Variants in CDKL3 observed in about 807,000 individuals in gnomAD.
The protein encoded by CDKL3 is cyclin dependent kinase like 3, also known as cyclin-dependent kinase-like 3.
CDKL3 carries 65 observed loss-of-function variants against 69.3 expected under a neutral mutation model. The ratio of observed to expected loss-of-function variants is 0.94; its 90% confidence interval spans 0.77 to 1.15. The LOEUF (loss-of-function observed/expected upper bound fraction) is 1.15. Ranked by LOEUF, CDKL3 falls within the 50% of genes most tolerant of loss-of-function variation. The pLI, the probability that CDKL3 is intolerant of heterozygous loss-of-function variation, is 0.00. For synonymous variants in CDKL3, 202 were observed against 221.6 expected (o/e 0.91, Z 0.79); for missense variants, 652 against 689.2 (o/e 0.95, Z 0.61).
downstream of CDKL3, among the ~76,000 whole-genome samples, chr5:134,294,346 G>A (rs1765253529): frequency 6.6e-6 from 1 of 152,014 alleles, no homozygotes; most frequent in South Asian, 2.1e-4. Context: ...CTAGAAAAGA[G>A]GGAACTTTCC....
rs577954475 is a variant in CDKL3, at chr5:134,298,518, A to G, written c.*133T>C. The G allele has an allele frequency of 2.8e-6, 4 of 1,437,130 alleles. No homozygotes were observed. In the East Asian group the frequency reaches 9.7e-5, roughly 35 times the overall value. The allele number at this position is 1,437,130 out of a possible 1,614,324, so 89.0% of individuals were successfully genotyped here. A position where few individuals can be genotyped will look rare whatever the true frequency, so the allele number is the denominator to read the frequency against. On this transcript the variant is annotated 3_prime_UTR_variant, in exon 13 of 13. Coordinates refer to ENST00000265334, the MANE Select transcript of CDKL3 (RefSeq NM_001113575.2). ...AGAAAACAGTAAATGTTTTGCTAAC[A>G]AAAAAAGCTGGATGATGCTCATGCA...
At chr5:134,284,604 C>G (rs1288351505), downstream of CDKL3, among the ~76,000 whole-genome samples, 1 of 152,158 alleles carries the variant, frequency 6.6e-6, no homozygotes, top group Admixed American at 6.5e-5. Flanking sequence ...TCCTAGCAAG[C>G]CTGAGGGCAC....
At chr5:134,319,294 C>T in intron 6 of CDKL3, 64 bp downstream of exon 6, 1 of 1,279,394 alleles carries the variant, frequency 7.8e-7, no homozygotes, top group Non-Finnish European at 1.0e-6. Context: ...CACTCCACTG[C>T]ACTACAGCCT....
At chr5:134,339,406 A>G (rs1047767698) in intron 4 of CDKL3, among the ~76,000 whole-genome samples, 1 of 152,228 alleles carries the variant, frequency 6.6e-6, no homozygotes, top group Non-Finnish European at 1.5e-5. Flanking sequence ...AATACAAGAC[A>G]AAATAGACTT....
At chr5:134,345,217 C>T (rs991789544) in intron 4 of CDKL3, among the ~76,000 whole-genome samples, 4 of 152,026 alleles carry the variant, frequency 2.6e-5, no homozygotes, top group Admixed American at 6.6e-5. Flanking sequence ...GATGGTAGTA[C>T]ATATCTGTGA....
chr5:134,328,455 T>C (rs1470765093), intron 4 of CDKL3, among the ~76,000 whole-genome samples: 3 of 151,822 alleles, frequency 2.0e-5, no homozygotes, highest in Non-Finnish European at 2.9e-5. Context: ...AAATAATTCA[T>C]GAACTTGAAG....
chr5:134,371,186 C>T (rs528658630), upstream of CDKL3: 3 of 279,618 alleles, frequency 1.1e-5, no homozygotes, highest in African/African-American at 7.0e-5. Flanking sequence ...ATGCGTCCCT[C>T]TTTCTCCACC....
At chr5:134,328,368 C>G (rs529564769) in intron 4 of CDKL3, among the ~76,000 whole-genome samples, 2 of 152,084 alleles carry the variant, frequency 1.3e-5, no homozygotes, top group African/African-American at 4.8e-5. Context: ...AGTGGAAACT[C>G]TGGAGTTGAA....
intron 6 of CDKL3, among the ~76,000 whole-genome samples, chr5:134,317,194 G>A (rs1771330683): frequency 6.6e-6 from 1 of 152,106 alleles, no homozygotes; most frequent in Admixed American, 6.5e-5. Flanking sequence ...GGAGTGCAGT[G>A]GTGCGATCTC....
intron 4 of CDKL3, among the ~76,000 whole-genome samples, chr5:134,347,636 G>A (rs1229276842): frequency 6.8e-6 from 1 of 146,644 alleles, no homozygotes; most frequent in African/African-American, 2.5e-5. Context: ...TTGAGAGGCC[G>A]AGGCGAGCAG....
At chr5:134,298,844 T>C in intron 12 of CDKL3, 134 bp from the exon 13 acceptor site, 2 of 1,176,412 alleles carry the variant, frequency 1.7e-6, no homozygotes, top group East Asian at 4.9e-5. Context: ...CCAAAAGATT[T>C]GCTTCAATGC....
At chr5:134,361,429 A>G (rs1755984560) in intron 2 of CDKL3, among the ~76,000 whole-genome samples, 1 of 152,184 alleles carries the variant, frequency 6.6e-6, no homozygotes, top group Admixed American at 6.6e-5. Flanking sequence ...CCTTCATTCC[A>G]ATAACACAGT....
upstream of CDKL3, among the ~76,000 whole-genome samples, chr5:134,368,247 T>C (rs959606068): frequency 1.3e-5 from 2 of 152,326 alleles, no homozygotes; most frequent in South Asian, 2.1e-4. Flanking sequence ...TCTATGCTGC[T>C]AGGGTTTATA....
At chr5:134,353,267 G>A (rs973933347) in intron 3 of CDKL3, among the ~76,000 whole-genome samples, 5 of 152,044 alleles carry the variant, frequency 3.3e-5, no homozygotes, top group Non-Finnish European at 5.9e-5. Context: ...AACTAAAAGC[G>A]TCTTCTTCTC....
At chr5:134,369,964 T>A (rs541006073), upstream of CDKL3, among the ~76,000 whole-genome samples, 1 of 152,252 alleles carries the variant, frequency 6.6e-6, no homozygotes, top group East Asian at 1.9e-4. Context: ...GGCAAAAAAA[T>A]TAAGAATATT....
At chr5:134,311,747 T>C (rs944220566) in intron 7 of CDKL3, among the ~76,000 whole-genome samples, 10 of 152,306 alleles carry the variant, frequency 6.6e-5, no homozygotes, top group African/African-American at 2.4e-4. Flanking sequence ...GCCTAGGACA[T>C]GGTAACTGTG....
chr5:134,343,497 C>CTT (rs1751049968), intron 4 of CDKL3, among the ~76,000 whole-genome samples: 1 of 152,192 alleles, frequency 6.6e-6, no homozygotes, highest in African/African-American at 2.4e-5. Flanking sequence ...TCCTTCTTGC[C>CTT]TGGGGACCAG....
intron 2 of CDKL3, 139 bp from the exon 3 acceptor site, chr5:134,360,230 G>A (rs1755684825): frequency 1.5e-6 from 1 of 674,778 alleles, no homozygotes; most frequent in South Asian, 2.0e-5. Flanking sequence ...TTTTGAGATG[G>A]AGTCTTGCTC....
intron 6 of CDKL3, among the ~76,000 whole-genome samples, chr5:134,318,677 G>T (rs893918400): frequency 8.6e-5 from 13 of 151,866 alleles, no homozygotes; most frequent in African/African-American, 3.1e-4. Context: ...AGTAGAGACG[G>T]GGTTTCACCA....
Sources: allele counts gnomAD v4.1 joint callset (sites outside exome capture counted in the v4.1 genomes callset), GRCh38; gene constraint gnomAD v4.1.1; transcripts MANE v1.5; gene names NCBI Gene and HGNC (gene_info 2026-07-23, HGNC 2026-07-21).